Variants in KCNQ3 observed in about 807,000 individuals in gnomAD.
KCNQ3 encodes the protein potassium voltage-gated channel subfamily KQT member 3.
A neutral mutation model predicts 92.5 loss-of-function variants in KCNQ3; 30 were observed. The ratio of observed to expected loss-of-function variants is 0.32; its 90% CI spans 0.24 to 0.44. The LOEUF is 0.44. KCNQ3 is among the 20% of genes least tolerant of loss of function. The probability of loss-of-function intolerance (pLI) is 1.00; values close to 1 mark genes in which losing one functional copy is unlikely to be tolerated. For synonymous variants in KCNQ3, 450 were observed against 468.8 expected, an observed-to-expected ratio of 0.96 and a Z score of 0.52; for missense variants, 913 against 1,140.3, an observed-to-expected ratio of 0.80 and a Z score of 2.87.
chr8:132,357,298 G>T (rs1394929601), intron 1 of KCNQ3, among the ~76,000 whole-genome samples: 2 of 152,250 alleles, frequency 1.3e-5, no homozygotes, highest in African/African-American at 4.8e-5. Context: ...GAGTGAAGAA[G>T]TGAGCCGGTA....
intron 1 of KCNQ3, among the ~76,000 whole-genome samples, chr8:132,471,309 T>C (rs918630618): frequency 6.6e-6 from 1 of 152,118 alleles, no homozygotes; most frequent in African/African-American, 2.4e-5. Context: ...GCTGTGCCAG[T>C]TCAGTAGCTT....
Position 132,172,703 on chromosome 8 carries a change from G to C in KCNQ3, c.1045-10C>G. On this transcript the variant is annotated splice_polypyrimidine_tract_variant and intron_variant, in intron 6 of 14. Transcript: ENST00000388996. ...CGGACCCCAGGATGCCCTGGAGGGA[G>C]AGGCAGGCAGGCAGTCAGCCCCCAG... The C allele has an allele frequency of 6.2e-7, 1 of 1,606,652 alleles. No individual in the cohort carries two copies. Among genetic ancestry groups the C allele is most frequent in the Non-Finnish European group, 8.5e-7 (1 of 1,174,522 alleles).
intron 1 of KCNQ3, among the ~76,000 whole-genome samples, chr8:132,283,309 A>T (rs1207561152): frequency 6.6e-6 from 1 of 152,206 alleles, no homozygotes. Flanking sequence ...ATCAGGGCAT[A>T]AAGTAGACTC....
intron 6 of KCNQ3, among the ~76,000 whole-genome samples, chr8:132,173,924 C>A (rs1043692029): frequency 6.6e-6 from 1 of 152,208 alleles, no homozygotes; most frequent in Admixed American, 6.5e-5. Flanking sequence ...CTGGGGAAGG[C>A]AGATCTAGAA....
chr8:132,147,419 G>T (rs2032974246), intron 9 of KCNQ3, among the ~76,000 whole-genome samples: 1 of 152,186 alleles, frequency 6.6e-6, no homozygotes, highest in African/African-American at 2.4e-5. Flanking sequence ...TGGAGTTTGG[G>T]ACATGTTACT....
At position 132,134,324 on chromosome 8, in the gene KCNQ3, A is replaced by G. The variant is rs776972398; in HGVS notation, c.1765T>C (p.Ser589Pro). 4 of 1,613,914 alleles carry G rather than the reference A, an allele frequency of 2.5e-6. No individual in the cohort carries two copies. The highest frequency in any genetic ancestry group is 3.4e-6 in the Non-Finnish European group (4 of 1,179,972). ...TGCTGGGATGGGAAGGTGAATGCTG[A>G]CCCTTTCTGAGACTTCTTGTGTTTT... Reference protein sequence around the residue: ...TPKHKKSQKGSAFTFPSQQSP... With the variant: ...TPKHKKSQKGPAFTFPSQQSP... Residue 589 changes from serine (S) to proline (P), a missense_variant, in exon 13 of 15, where the codon TCA (serine) becomes CCA (proline). By Grantham distance (74) the Ser-to-Pro change is moderately conservative. This residue lies in a region of KCNQ3 where 375 missense variants were observed against 376.4 expected (regional missense o/e 1.00). Transcript: ENST00000388996.
chr8:132,311,680 A>G (rs954360984), intron 1 of KCNQ3, among the ~76,000 whole-genome samples: 1 of 152,238 alleles, frequency 6.6e-6, no homozygotes. Context: ...GCACACAGAA[A>G]TGCCAATTGT....
At position 132,138,019 on chromosome 8, in the gene KCNQ3, G is replaced by A. The variant is rs1246181066; in HGVS notation, c.1569-3C>T. 1.2e-6 allele frequency: 2 copies of A among 1,608,088 alleles called. No individual in the cohort carries two copies. Among genetic ancestry groups the A allele is most frequent in the Non-Finnish European group, 1.7e-6 (2 of 1,179,816 alleles). On this transcript the variant is annotated splice_polypyrimidine_tract_variant and splice_region_variant and intron_variant, in intron 11 of 14. Transcript: ENST00000388996. ...TATAGAGACGGAATTGTAGAATTCT[G>A]CAAGGCAAAGTAGAGGCATTTGTGC...
At chr8:132,308,137 CG>C (rs1042994325) in intron 1 of KCNQ3, among the ~76,000 whole-genome samples, 15 of 152,140 alleles carry the variant, frequency 9.9e-5, no homozygotes, top group African/African-American at 3.6e-4. Context: ...ACGGGGCTCA[CG>C]GCAGAAGCCT....
chr8:132,330,703 T>C (rs1266691869), intron 1 of KCNQ3, among the ~76,000 whole-genome samples: 1 of 152,218 alleles, frequency 6.6e-6, no homozygotes, highest in Non-Finnish European at 1.5e-5. Context: ...GTCCCTGATT[T>C]TCTGCAGCCA....
chr8:132,444,463 A>G (rs1212043229), intron 1 of KCNQ3, among the ~76,000 whole-genome samples: 1 of 152,264 alleles, frequency 6.6e-6, no homozygotes, highest in Non-Finnish European at 1.5e-5. Context: ...ATAAAAAGAC[A>G]GCATGGTGTG....
chr8:132,417,825 A>G (rs529811284), intron 1 of KCNQ3, among the ~76,000 whole-genome samples: 13 of 152,346 alleles, frequency 8.5e-5, no homozygotes, highest in Middle Eastern at 6.8e-3. Flanking sequence ...TTCAGAACCT[A>G]GTTCTGGAAC....
At chr8:132,219,346 G>A (rs970189589) in intron 1 of KCNQ3, among the ~76,000 whole-genome samples, 5 of 152,072 alleles carry the variant, frequency 3.3e-5, no homozygotes, top group African/African-American at 9.7e-5. Context: ...TGAGCTATAA[G>A]CAACTCTTAA....
At chr8:132,366,789 T>C (rs1029207940) in intron 1 of KCNQ3, among the ~76,000 whole-genome samples, 1 of 152,196 alleles carries the variant, frequency 6.6e-6, no homozygotes. Flanking sequence ...TAATGTTACA[T>C]ACCAGAACAA....
chr8:132,292,419 A>T (rs533244549), intron 1 of KCNQ3, among the ~76,000 whole-genome samples: 43 of 152,360 alleles, frequency 2.8e-4, no homozygotes, highest in Admixed American at 8.5e-4. Flanking sequence ...ATGAAGTTCC[A>T]TGGTAATAAT....
intron 1 of KCNQ3, among the ~76,000 whole-genome samples, chr8:132,238,413 C>T (rs1299438368): frequency 1.3e-5 from 2 of 152,152 alleles, no homozygotes; most frequent in African/African-American, 4.8e-5. Flanking sequence ...TCATGAGCCC[C>T]TGAACCCTGA....
At chr8:132,157,731 T>C (rs1825848420) in intron 9 of KCNQ3, among the ~76,000 whole-genome samples, 1 of 152,190 alleles carries the variant, frequency 6.6e-6, no homozygotes, top group South Asian at 2.1e-4. Flanking sequence ...TCCATAGGTA[T>C]ACATGTGCCA....
chr8:132,449,762 T>TA (rs1821778971), intron 1 of KCNQ3, among the ~76,000 whole-genome samples: 2 of 152,114 alleles, frequency 1.3e-5, no homozygotes, highest in African/African-American at 4.8e-5. Context: ...AGCTGGGGGC[T>TA]ACATGTGGGA....
Position 132,480,549 on chromosome 8 carries a change from G to T in KCNQ3, c.-17C>A. ...GAGCCCCATCTGCCTCGCCCCCGCC[G>T]GCCGCTTCGCCTTCTCCGCTGCTGC... On this transcript the variant is annotated 5_prime_UTR_variant, in exon 1 of 15. Coordinates refer to ENST00000388996, the MANE Select transcript of KCNQ3 (RefSeq NM_004519.4). 1 of 1,246,682 alleles carries T rather than the reference G, an allele frequency of 8.0e-7. No individual in the cohort carries two copies. The highest frequency in any genetic ancestry group is 1.0e-6 in the Non-Finnish European group (1 of 973,758). The allele number at this position is 1,246,682 out of a possible 1,614,324, so 77.2% of individuals were successfully genotyped here. A position where few individuals can be genotyped will look rare whatever the true frequency, so the allele number is the denominator to read the frequency against.
Sources: allele counts gnomAD v4.1 joint callset (sites outside exome capture counted in the v4.1 genomes callset), GRCh38; gene constraint gnomAD v4.1.1; regional missense constraint gnomAD v4.1.1; transcripts MANE v1.5; gene names NCBI Gene and HGNC (gene_info 2026-07-23, HGNC 2026-07-21).